The following GPHN variants were observed in gnomAD, a reference collection of about 807,000 sequenced individuals.
GPHN encodes the protein gephyrin.
GPHN carries 17 observed loss-of-function variants against 95.5 expected under a neutral mutation model. The observed-to-expected ratio is 0.18, with a 90% CI of 0.12 to 0.27. GPHN has a LOEUF of 0.27. GPHN is among the 10% of genes least tolerant of loss of function. GPHN has a pLI of 1.00. For missense variants in GPHN, 660 were observed against 978.1 expected (o/e 0.67, Z 4.34); for synonymous variants, 320 against 322.5 (o/e 0.99, Z 0.08).
At chr14:67,341,862 A>G in the GPHN span, among the ~76,000 whole-genome samples, 1 of 152,154 alleles carries the variant, frequency 6.6e-6, no homozygotes, top group African/African-American at 2.4e-5. Context: ...CTGCTTTGGG[A>G]TCCTGTTGAT....
chr14:66,690,072 T>A (rs1452172769), intron 2 of GPHN, among the ~76,000 whole-genome samples: 1 of 151,988 alleles, frequency 6.6e-6, no homozygotes, highest in Non-Finnish European at 1.5e-5. Flanking sequence ...TATTTTTTAT[T>A]TTTTCTACTA....
chr14:67,722,340 G>T, the GPHN span: 5 of 499,262 alleles, frequency 1.0e-5, no homozygotes, highest in East Asian at 3.7e-5. Context: ...GGGTTTAGGG[G>T]GTACTTGCTT....
chr14:66,565,540 T>A (rs1009951396), intron 1 of GPHN, among the ~76,000 whole-genome samples: 4 of 152,262 alleles, frequency 2.6e-5, no homozygotes, highest in Middle Eastern at 3.4e-3. Flanking sequence ...GCTCAAGTGA[T>A]CCTCCTGCCT....
At chr14:66,904,073 G>C (rs1459879079) in intron 5 of GPHN, among the ~76,000 whole-genome samples, 1 of 152,100 alleles carries the variant, frequency 6.6e-6, no homozygotes, top group African/African-American at 2.4e-5. Context: ...TCATACTGGA[G>C]TTATGATTGT....
intron 4 of GPHN, among the ~76,000 whole-genome samples, chr14:66,856,555 CTT>C (rs1217596857): frequency 6.6e-6 from 1 of 151,982 alleles, no homozygotes; most frequent in East Asian, 1.9e-4. Context: ...TAATTCCTGT[CTT>C]ATTTCCTCAT....
chr14:67,053,380 C>G (rs967491992), intron 10 of GPHN, among the ~76,000 whole-genome samples: 1 of 151,996 alleles, frequency 6.6e-6, no homozygotes, highest in Admixed American at 6.6e-5. Context: ...TGGATAAATT[C>G]CTAGACACAC....
At chr14:66,766,314 C>A (rs913480252) in intron 2 of GPHN, among the ~76,000 whole-genome samples, 1 of 152,066 alleles carries the variant, frequency 6.6e-6, no homozygotes, top group Non-Finnish European at 1.5e-5. Flanking sequence ...AGAAGAAAGG[C>A]TGAATTTTAA....
At chr14:67,153,588 G>T (rs1014116246) in intron 18 of GPHN, among the ~76,000 whole-genome samples, 4 of 152,058 alleles carry the variant, frequency 2.6e-5, no homozygotes, top group Admixed American at 6.5e-5. Flanking sequence ...GGGTGGGGAG[G>T]GACATATTCA....
intron 2 of GPHN, among the ~76,000 whole-genome samples, chr14:66,714,539 A>G (rs924060833): frequency 1.3e-5 from 2 of 151,942 alleles, no homozygotes; most frequent in Non-Finnish European, 1.5e-5. Context: ...GAGAGTGGGT[A>G]TCCTTGTCTT....
chr14:67,572,320 A>C, the GPHN span: 3 of 1,518,852 alleles, frequency 2.0e-6, no homozygotes, highest in Middle Eastern at 1.7e-4. Flanking sequence ...AGCAGAATGC[A>C]GCAGAGGCTG....
chr14:66,597,936 A>G (rs2062053895), intron 1 of GPHN, among the ~76,000 whole-genome samples: 2 of 152,226 alleles, frequency 1.3e-5, no homozygotes, highest in Non-Finnish European at 2.9e-5. Flanking sequence ...ACACAGTGAA[A>G]TATCATTCAC....
At chr14:67,490,902 G>A in the GPHN span, among the ~76,000 whole-genome samples, 32 of 152,228 alleles carry the variant, frequency 2.1e-4, no homozygotes, top group Admixed American at 1.6e-3. Flanking sequence ...CGTGGAGGGG[G>A]GCAGATATGC....
At chr14:67,005,535 C>G (rs1468156779) in intron 9 of GPHN, among the ~76,000 whole-genome samples, 1 of 151,824 alleles carries the variant, frequency 6.6e-6, no homozygotes, top group Admixed American at 6.6e-5. Flanking sequence ...TGTATAGTTA[C>G]ATGTATTTGA....
At chr14:67,697,120 T>C in the GPHN span, among the ~76,000 whole-genome samples, 3 of 152,238 alleles carry the variant, frequency 2.0e-5, no homozygotes, top group Admixed American at 6.5e-5. Flanking sequence ...TACTAGGCAC[T>C]GTGCTGATGT....
intron 10 of GPHN, among the ~76,000 whole-genome samples, chr14:67,049,478 T>G (rs2075199946): frequency 6.6e-6 from 1 of 151,668 alleles, no homozygotes; most frequent in South Asian, 2.1e-4. Flanking sequence ...AGAGGTGCTT[T>G]GGGTTTGTAA....
chr14:66,867,040 T>C (rs903317081), intron 4 of GPHN, among the ~76,000 whole-genome samples: 2 of 152,112 alleles, frequency 1.3e-5, no homozygotes, highest in African/African-American at 4.8e-5. Flanking sequence ...AACCAGATCT[T>C]ATTTAAATAT....
chr14:67,408,735 C>T, the GPHN span, among the ~76,000 whole-genome samples: 224 of 152,280 alleles, frequency 1.5e-3, 1 homozygote, highest in African/African-American at 5.1e-3. Context: ...CCTGGCAACA[C>T]CTTGATTTTG....
At chr14:67,698,700 C>T in the GPHN span, among the ~76,000 whole-genome samples, 7 of 152,184 alleles carry the variant, frequency 4.6e-5, no homozygotes, top group African/African-American at 1.7e-4. Flanking sequence ...TATACTTCTC[C>T]TGAAAAGAAA....
the GPHN span, among the ~76,000 whole-genome samples, chr14:67,259,067 T>C: frequency 6.6e-6 from 1 of 151,676 alleles, no homozygotes; most frequent in Non-Finnish European, 1.5e-5. Flanking sequence ...GGTCTCGAAC[T>C]CGTGGCCTCA....
Sources: gnomAD v4.1 joint callset for allele counts (sites outside exome capture counted in the v4.1 genomes callset) on GRCh38, gnomAD v4.1.1 for gene constraint, MANE v1.5 for transcripts, NCBI Gene and HGNC (gene_info 2026-07-23, HGNC 2026-07-21) for gene names.